Variants in RIOX2 observed in about 807,000 individuals in gnomAD.
RIOX2 encodes the protein 60S ribosomal protein L27a histidine hydroxylase.
Under a neutral mutation model 51.2 loss-of-function variants are expected in RIOX2, and 43 were observed. That is an observed-to-expected ratio of 0.84 (90% CI 0.66 to 1.08). The LOEUF is 1.08. Among genes scored for constraint, RIOX2 ranks in the 50% least tolerant of loss-of-function variants. The pLI is 0.00. For synonymous variants in RIOX2, 226 were observed against 218.5 expected, an observed-to-expected ratio of 1.03 and a Z score of -0.30; for missense variants, 566 against 561.7, an observed-to-expected ratio of 1.01 and a Z score of -0.08.
At chr3:97,945,441 G>C in intron 9 of RIOX2, 99 bp from the exon 10 acceptor site, 2 of 1,080,236 alleles carry the variant, frequency 1.9e-6, no homozygotes, top group South Asian at 3.4e-5. Context: ...CATTATTTTT[G>C]ATACCCCTCA....
At position 97,945,107 on chromosome 3, in the gene RIOX2, C is replaced by T; in HGVS notation, c.*77G>A. 7.6e-7 allele frequency: 1 copy of T among 1,322,158 alleles called. No homozygotes were observed. Among genetic ancestry groups the T allele is most frequent in the Admixed American group, 2.6e-5 (1 of 38,384 alleles). The allele number at this position is 1,322,158 out of a possible 1,614,324, so 81.9% of individuals were successfully genotyped here. A position where few individuals can be genotyped will look rare whatever the true frequency, so the allele number is the denominator to read the frequency against. ...CGCAGGTAAGGAAACTTGAATTCAT[C>T]CTCTCCTCGGCTCAGGTCTTTGCTT... On this transcript the variant is annotated 3_prime_UTR_variant, in exon 10 of 10. Coordinates refer to ENST00000394198, the MANE Select transcript of RIOX2 (RefSeq NM_153182.4).
rs1705675309 is a variant in RIOX2 at position 97,961,586 on chromosome 3, T to TA, written c.552+2dup. The TA allele has an allele frequency of 6.3e-7, 1 of 1,595,126 alleles. No individual in the cohort carries two copies. Among genetic ancestry groups the TA allele is most frequent in the Non-Finnish European group, 8.5e-7 (1 of 1,174,260 alleles). The stretch of plus-strand genomic sequence containing the variant: ...ACATGGGGCAATTTTCTCCATCTCT[T>TA]ACCTCGACATCATCATAATGGGGCG... On this transcript the variant is annotated splice_region_variant and intron_variant, in intron 3 of 9. Coordinates refer to ENST00000394198, the MANE Select transcript of RIOX2 (RefSeq NM_153182.4).
intron 4 of RIOX2, 63 bp downstream of exon 4, chr3:97,958,988 C>G (rs575942086): frequency 6.6e-7 from 1 of 1,507,192 alleles, no homozygotes; most frequent in African/African-American, 1.4e-5. Context: ...CTGAACTTGT[C>G]TTAGCAATAG....
intron 4 of RIOX2, among the ~76,000 whole-genome samples, chr3:97,955,341 C>T (rs1705409128): frequency 6.6e-6 from 1 of 152,104 alleles, no homozygotes; most frequent in African/African-American, 2.4e-5. Context: ...TTACTCCTGC[C>T]CTGAGCTGCC....
chr3:97,958,067 G>A (rs533275132), intron 4 of RIOX2, among the ~76,000 whole-genome samples: 11 of 152,090 alleles, frequency 7.2e-5, no homozygotes, highest in Non-Finnish European at 1.6e-4. Flanking sequence ...TACCTTTACT[G>A]TTGTTTATTG....
At chr3:97,965,529 G>C (rs1014078684) in intron 2 of RIOX2, among the ~76,000 whole-genome samples, 11 of 148,210 alleles carry the variant, frequency 7.4e-5, no homozygotes, top group Middle Eastern at 3.6e-3. Flanking sequence ...AAAAAAAAAG[G>C]CACATCCTAG....
At chr3:97,960,837 C>T (rs1705648574) in intron 3 of RIOX2, among the ~76,000 whole-genome samples, 2 of 152,086 alleles carry the variant, frequency 1.3e-5, no homozygotes, top group South Asian at 4.2e-4. Flanking sequence ...TACTGAATGT[C>T]TAAATCCTGA....
chr3:97,964,597 CA>C (rs1705807019), intron 2 of RIOX2, among the ~76,000 whole-genome samples: 2 of 148,022 alleles, frequency 1.4e-5, no homozygotes, highest in South Asian at 4.3e-4. Context: ...TCAGGAGGTC[CA>C]AGGCAGGAGA....
At chr3:97,961,827 C>A in intron 2 of RIOX2, 119 bp from the exon 3 acceptor site, 1 of 1,086,730 alleles carries the variant, frequency 9.2e-7, no homozygotes, top group South Asian at 2.0e-5. Context: ...CTATTATACA[C>A]CAGATACTGG....
At chr3:97,954,257 A>G (rs1576002135) in intron 5 of RIOX2, 135 bp downstream of exon 5, 1 of 639,638 alleles carries the variant, frequency 1.6e-6, no homozygotes, top group Non-Finnish European at 2.9e-6. Context: ...GGAATGTGGA[A>G]GTCAGTAAAG....
At position 97,967,504 on chromosome 3, in the gene RIOX2, AG is replaced by A. The variant is rs1417845957; in HGVS notation, c.89del (p.Pro30LeufsTer4). The A allele has an allele frequency of 2.5e-6, 4 of 1,614,174 alleles. No homozygotes were observed. Among genetic ancestry groups the A allele is most frequent in the Non-Finnish European group, 3.4e-6 (4 of 1,180,018 alleles). On this transcript the variant is annotated frameshift_variant, in exon 2 of 10. Transcript: ENST00000394198. LOFTEE classifies it high-confidence loss of function. ...TGGGACTGTCAAAGTTTAAAGCTGAAGGCCCCCCAGCTGCTTCTAACTTCAT... is the reference window on the plus strand; with the variant it reads ...TGGGACTGTCAAAGTTTAAAGCTGAAGCCCCCCAGCTGCTTCTAACTTCAT... Reference protein sequence around the residue: ...KQMKLEAAGGPSALNFDSPSS... With the variant: ...KQMKLEAAGGXSALNFDSPSS...
At chr3:97,961,342 T>C (rs1488309687) in intron 3 of RIOX2, among the ~76,000 whole-genome samples, 3 of 152,244 alleles carry the variant, frequency 2.0e-5, no homozygotes, top group Admixed American at 6.5e-5. Context: ...CAGACGAATG[T>C]GTGGCTCTTT....
rs2040266798 is a variant in RIOX2, at chr3:97,943,039, T to C, written c.*2145A>G. On this transcript the variant is annotated 3_prime_UTR_variant, in exon 10 of 10. Coordinates refer to ENST00000394198, the MANE Select transcript of RIOX2 (RefSeq NM_153182.4). ...CCTTTTAGTATTTCAATTTGAGTCA[T>C]AATAAGGTCCAATTTGAGGTGAATA... is the stretch of plus-strand genomic sequence containing the variant. 3 of 561,508 alleles carry C rather than the reference T, an allele frequency of 5.3e-6. No individual in the cohort carries two copies. The highest frequency in any genetic ancestry group is 3.5e-5 in the Admixed American group (1 of 28,680). 34.8% of individuals were successfully genotyped at this position (561,508 alleles called of 1,614,324 possible). A position where few individuals can be genotyped will look rare whatever the true frequency, so the allele number is the denominator to read the frequency against.
rs2040326849 is a variant in RIOX2 at position 97,945,250 on chromosome 3, A to G, written c.1332T>C (p.Thr444=). ...CCAGGCTTTCCTTTTCCTCATCTGT[A>G]GTAAGTTTCAGGTCCTTGACAGAAA... is the stretch of plus-strand genomic sequence containing the variant. ...PAISVKDLKL[T]TDEEKESLVL... The change falls in exon 10 of 10, where the codon ACT becomes ACC. Residue 444 remains threonine, a synonymous_variant. Coordinates refer to ENST00000394198, the MANE Select transcript of RIOX2 (RefSeq NM_153182.4). The G allele has an allele frequency of 6.2e-7, 1 of 1,612,644 alleles. No homozygotes were observed. The highest frequency in any genetic ancestry group is 8.5e-7 in the Non-Finnish European group (1 of 1,178,992).
Position 97,943,561 on chromosome 3 carries a change from T to G in RIOX2, c.*1623A>C, listed in dbSNP as rs1433101692. Reference sequence around the variant, plus strand: ...TCTTGGAAAGGTTCTATTCCTGATCTCCAGCTGTGGTGAGCAAGTTTCCTG... The same window carrying G: ...TCTTGGAAAGGTTCTATTCCTGATCGCCAGCTGTGGTGAGCAAGTTTCCTG... On this transcript the variant is annotated 3_prime_UTR_variant, in exon 10 of 10. Transcript: ENST00000394198. 1.4e-5 allele frequency: 6 copies of G among 428,894 alleles called. No homozygotes were observed. The highest frequency in any genetic ancestry group is 2.5e-5 in the Non-Finnish European group (6 of 244,084). 26.6% of individuals were successfully genotyped at this position (428,894 alleles called of 1,614,324 possible).
At chr3:97,970,988 G>T (rs1706107545) in intron 1 of RIOX2, among the ~76,000 whole-genome samples, 1 of 152,194 alleles carries the variant, frequency 6.6e-6, no homozygotes, top group Non-Finnish European at 1.5e-5. Flanking sequence ...AATGTCTGCT[G>T]AATTTTTCAC....
At chr3:97,968,573 C>T (rs951589336) in intron 1 of RIOX2, among the ~76,000 whole-genome samples, 2 of 152,148 alleles carry the variant, frequency 1.3e-5, no homozygotes, top group Non-Finnish European at 2.9e-5. Flanking sequence ...GCTGAGTAGT[C>T]GAAGCCACAC....
At chr3:97,955,111 C>T (rs1188936832) in intron 4 of RIOX2, among the ~76,000 whole-genome samples, 16 of 152,110 alleles carry the variant, frequency 1.1e-4, no homozygotes, top group Non-Finnish European at 2.1e-4. Context: ...TACTTCTAGG[C>T]GCAGGGTCTG....
intron 2 of RIOX2, 112 bp from the exon 3 acceptor site, chr3:97,961,820 T>G: frequency 8.7e-7 from 1 of 1,144,486 alleles, no homozygotes; most frequent in South Asian, 1.9e-5. Context: ...TGCACAACTA[T>G]TATACACCAG....
Sources: allele counts gnomAD v4.1 joint callset (sites outside exome capture counted in the v4.1 genomes callset), GRCh38; gene constraint gnomAD v4.1.1; transcripts MANE v1.5; gene names NCBI Gene and HGNC (gene_info 2026-07-23, HGNC 2026-07-21).